The following DMD variants were observed in gnomAD, a reference collection of about 807,000 sequenced individuals.
DMD encodes mutant dystrophin.
DMD carries 63 observed loss-of-function variants against 330.1 expected under a neutral mutation model. The observed-to-expected ratio is 0.19, with a 90% CI of 0.16 to 0.24. The LOEUF (loss-of-function observed/expected upper bound fraction) is 0.24. DMD is among the 10% of genes least tolerant of loss of function. The probability of loss-of-function intolerance (pLI) is 1.00; values close to 1 mark genes in which losing one functional copy is unlikely to be tolerated. For synonymous variants in DMD, 1,223 were observed against 959.8 expected (o/e 1.27, Z -5.07); for missense variants, 3,344 against 2,684.1 (o/e 1.25, Z -5.43).
At chrX:32,845,996 TC>T (rs199663433) in intron 3 of DMD, among the ~76,000 whole-genome samples, 3,387 of 111,761 alleles carry the variant, frequency 0.03, 119 homozygotes, top group African/African-American at 0.1. Flanking sequence ...CCAGACCTTG[TC>T]CAGGGCACTA....
intron 2 of DMD, among the ~76,000 whole-genome samples, chrX:32,984,316 G>C (rs12849215): frequency 0.031 from 3,533 of 112,261 alleles, 96 homozygotes; most frequent in East Asian, 0.18. Context: ...GCGCAATGGC[G>C]CCATCTCGGC....
intron 11 of DMD, among the ~76,000 whole-genome samples, chrX:32,637,984 T>C (rs995422764): frequency 8.9e-6 from 1 of 112,271 alleles, no homozygotes; most frequent in African/African-American, 3.2e-5. Flanking sequence ...TTTCCTGTAA[T>C]TTAAACTATG....
chrX:31,370,216 C>T (rs778108960), intron 60 of DMD, among the ~76,000 whole-genome samples: 2 of 110,975 alleles, frequency 1.8e-5, no homozygotes, highest in African/African-American at 3.3e-5. Context: ...AATTCAACCT[C>T]GCCAAAATTA....
rs369487335 is a variant in DMD at position 32,756,058 on chromosome X, T to C, written c.649+53435A>G. On this transcript the variant is annotated intron_variant, in intron 7 of 78. Coordinates refer to ENST00000357033, the MANE Select transcript of DMD (RefSeq NM_004006.3). ...TGCTATGGCTATTGGCTTTGTTTTG[T>C]TATTGAATACATTTATTTTAAGCAG... 7 of 112,402 alleles carry C rather than the reference T, an allele frequency of 6.2e-5. No homozygotes were observed. The East Asian group carries it at 1.7e-3, about 27-fold the overall frequency. The allele number at this position is 112,402 out of a possible 1,213,427, so 9.3% of individuals were successfully genotyped here.
chrX:33,005,648 T>C (rs762967489), intron 2 of DMD, among the ~76,000 whole-genome samples: 3 of 110,176 alleles, frequency 2.7e-5, no homozygotes, highest in South Asian at 3.8e-4. Flanking sequence ...ACACCTATAA[T>C]TGACATCCTA....
intron 43 of DMD, among the ~76,000 whole-genome samples, chrX:32,223,974 C>G (rs1270754342): frequency 9.0e-6 from 1 of 111,682 alleles, no homozygotes; most frequent in African/African-American, 3.2e-5. Context: ...GGTCAAGATA[C>G]AGAATATTGC....
intron 1 of DMD, among the ~76,000 whole-genome samples, chrX:33,331,593 G>C (rs944366388): frequency 9.0e-6 from 1 of 111,292 alleles, no homozygotes; most frequent in Admixed American, 9.6e-5. Context: ...TCATAACCCT[G>C]TCTTCAAATT....
intron 76 of DMD, among the ~76,000 whole-genome samples, chrX:31,135,801 A>T (rs1948756394): frequency 8.9e-6 from 1 of 112,579 alleles, no homozygotes; most frequent in African/African-American, 3.2e-5. Context: ...TGTTTTGCAC[A>T]TTGTCACTTC....
chrX:31,344,925 A>G (rs1269798126), intron 61 of DMD, among the ~76,000 whole-genome samples: 2 of 111,626 alleles, frequency 1.8e-5, no homozygotes, highest in African/African-American at 6.5e-5. Flanking sequence ...AATTTCTGAT[A>G]GTGATTATCT....
intron 62 of DMD, among the ~76,000 whole-genome samples, chrX:31,303,984 T>A (rs1232325952): frequency 2.7e-5 from 3 of 112,240 alleles, no homozygotes; most frequent in African/African-American, 9.7e-5. Flanking sequence ...TATTGACAAA[T>A]GAATCAATGA....
In DMD at chrX:32,775,423, A is replaced by G. The variant is rs148369123; in HGVS notation, c.649+34070T>C. On this transcript the variant is annotated intron_variant, in intron 7 of 78. Coordinates refer to ENST00000357033, the MANE Select transcript of DMD (RefSeq NM_004006.3). ...TCCATGAGGACTCCGCCCCTGCAGC[A>G]GACTTCTACCTGAACATCCAGGTGT... is the stretch of plus-strand genomic sequence containing the variant. Among the ~76,000 whole-genome samples, 528 of 112,945 alleles carry G rather than the reference A, an allele frequency of 4.7e-3. 3 individuals are homozygous for G. Among genetic ancestry groups the G allele is most frequent in the Middle Eastern group, 0.014 (3 of 217 alleles).
At chrX:31,587,424 T>C (rs925621103) in intron 55 of DMD, among the ~76,000 whole-genome samples, 1 of 112,522 alleles carries the variant, frequency 8.9e-6, no homozygotes, top group African/African-American at 3.2e-5. Flanking sequence ...CAAAACATCA[T>C]GTTGTACACC....
At chrX:33,338,344 G>T (rs1185457690) in intron 1 of DMD, among the ~76,000 whole-genome samples, 1 of 110,278 alleles carries the variant, frequency 9.1e-6, no homozygotes, top group African/African-American at 3.3e-5. Flanking sequence ...TTGCTTAAAA[G>T]TACTTATAAT....
intron 76 of DMD, among the ~76,000 whole-genome samples, chrX:31,136,268 T>TCC (rs894609627): frequency 4.5e-5 from 5 of 110,451 alleles, no homozygotes; most frequent in African/African-American, 1.7e-4. Context: ...CTCTCCTCTT[T>TCC]CTCTCTCTCT....
chrX:31,649,879 G>A (rs928902555), intron 54 of DMD, among the ~76,000 whole-genome samples: 9 of 111,000 alleles, frequency 8.1e-5, no homozygotes, highest in South Asian at 3.8e-4. Flanking sequence ...GGTACATTTC[G>A]CATAAGAGGA....
rs375754157 is a variant in DMD, at chrX:33,164,496, G to A, written c.31+46786C>T. On this transcript the variant is annotated intron_variant, in intron 1 of 78. Coordinates refer to ENST00000357033, the MANE Select transcript of DMD (RefSeq NM_004006.3). The stretch of plus-strand genomic sequence containing the variant: ...GTAAAATCTAATATTGCAATAGTCC[G>A]TAAACTTCCGGGCTTACTTTCTAAA... Among the ~76,000 whole-genome samples, 66 of 111,710 alleles carry A rather than the reference G, an allele frequency of 5.9e-4. 1 individual carries two copies. The South Asian group carries it at 6.7e-3, about 11-fold the overall frequency.
intron 1 of DMD, among the ~76,000 whole-genome samples, chrX:33,116,339 C>A (rs2095384524): frequency 9.1e-6 from 1 of 110,197 alleles, no homozygotes; most frequent in Non-Finnish European, 1.9e-5. Flanking sequence ...GGCAAAACCC[C>A]ATCTCTACAA....
At chrX:33,283,785 G>A (rs1307272332) in intron 1 of DMD, among the ~76,000 whole-genome samples, 1 of 110,557 alleles carries the variant, frequency 9.0e-6, no homozygotes, top group Admixed American at 9.7e-5. Context: ...TTGGGAGGCC[G>A]AGGCGGGTGG....
intron 48 of DMD, among the ~76,000 whole-genome samples, chrX:31,858,048 T>C (rs759148273): frequency 1.8e-5 from 2 of 110,697 alleles, no homozygotes; most frequent in Non-Finnish European, 3.8e-5. Flanking sequence ...TTATTATAAG[T>C]TGAGTACAGC....
Sources: allele counts gnomAD v4.1 joint callset (sites outside exome capture counted in the v4.1 genomes callset), GRCh38; gene constraint gnomAD v4.1.1; transcripts MANE v1.5; gene names NCBI Gene and HGNC (gene_info 2026-07-23, HGNC 2026-07-21).